Variants in LRRC49 observed in about 807,000 individuals in gnomAD.
LRRC49 encodes leucine rich repeat containing 49.
Under a neutral mutation model 83.3 loss-of-function variants are expected in LRRC49, and 50 were observed. That is an observed-to-expected ratio of 0.60 (90% CI 0.48 to 0.76). The LOEUF (loss-of-function observed/expected upper bound fraction) is 0.76. Among genes scored for constraint, LRRC49 ranks in the 30% least tolerant of loss-of-function variants. The pLI, the probability that LRRC49 is intolerant of heterozygous loss-of-function variation, is 0.00. For synonymous variants in LRRC49, 286 were observed against 283.3 expected (o/e 1.01, Z -0.10); for missense variants, 704 against 809.1 (o/e 0.87, Z 1.58).
At chr15:71,040,594 C>T (rs1472490057) in intron 15 of LRRC49, among the ~76,000 whole-genome samples, 3 of 151,856 alleles carry the variant, frequency 2.0e-5, no homozygotes, top group Admixed American at 2.0e-4. Context: ...CCAAGGCAGG[C>T]GGATCATGAG....
At position 70,865,755 on chromosome 15, in the gene LRRC49, G is replaced by GA. The variant is rs1297423634; in HGVS notation, c.-298-7152dup. On this transcript the variant is annotated intron_variant, in intron 1 of 16. Transcript: ENST00000544974. ...CTACCTGTCTGGTTTTTTGAGGACT[G>GA]AGAGTTTTCCCTGGCCATGGGACTT... is the stretch of plus-strand genomic sequence containing the variant. Among the ~76,000 whole-genome samples the GA allele has an allele frequency of 2.0e-5, 3 of 152,334 alleles. No individual in the cohort carries two copies. In the East Asian group the frequency reaches 5.8e-4, roughly 29 times the overall value.
At chr15:70,910,270 A>C (rs973935160) in intron 5 of LRRC49, among the ~76,000 whole-genome samples, 2 of 152,200 alleles carry the variant, frequency 1.3e-5, no homozygotes, top group African/African-American at 4.8e-5. Context: ...TTGATTTGGC[A>C]ATGATATAAC....
chr15:71,047,718 G>C (rs768724062), intron 15 of LRRC49, among the ~76,000 whole-genome samples: 5 of 152,100 alleles, frequency 3.3e-5, no homozygotes, highest in Non-Finnish European at 7.4e-5. Flanking sequence ...AGAAATCTTC[G>C]TAGGTATAAT....
At chr15:70,871,138 A>G (rs866508230) in intron 1 of LRRC49, among the ~76,000 whole-genome samples, 1 of 151,798 alleles carries the variant, frequency 6.6e-6, no homozygotes, top group Non-Finnish European at 1.5e-5. Context: ...ACTTGAGATT[A>G]GGGAGTGGTG....
At chr15:71,037,954 T>C (rs2039575827) in intron 15 of LRRC49, among the ~76,000 whole-genome samples, 1 of 152,156 alleles carries the variant, frequency 6.6e-6, no homozygotes, top group Admixed American at 6.5e-5. Context: ...AAGAAAACTA[T>C]GTAGTATTTA....
intron 2 of LRRC49, among the ~76,000 whole-genome samples, chr15:70,884,986 ATC>A (rs925171957): frequency 2.0e-5 from 3 of 152,164 alleles, no homozygotes; most frequent in African/African-American, 4.8e-5. Context: ...TTTATATATA[ATC>A]TGTTATTAAA....
intron 2 of LRRC49, among the ~76,000 whole-genome samples, chr15:70,885,214 G>C (rs2141086969): frequency 6.6e-6 from 1 of 152,174 alleles, no homozygotes; most frequent in South Asian, 2.1e-4. Flanking sequence ...GAACAAGGCA[G>C]AAAGAGACAA....
At chr15:70,884,790 C>G (rs1294417198) in intron 2 of LRRC49, among the ~76,000 whole-genome samples, 2 of 151,874 alleles carry the variant, frequency 1.3e-5, no homozygotes, top group Non-Finnish European at 2.9e-5. Flanking sequence ...ACTTTTATTC[C>G]CTTTATAACA....
chr15:70,950,581 A>G (rs1446551380), intron 8 of LRRC49, among the ~76,000 whole-genome samples: 1 of 152,130 alleles, frequency 6.6e-6, no homozygotes, highest in Non-Finnish European at 1.5e-5. Flanking sequence ...ATGTCTGTTC[A>G]TGTTCTTTGA....
intron 11 of LRRC49, among the ~76,000 whole-genome samples, chr15:70,999,872 T>C (rs148647715): frequency 6.6e-6 from 1 of 152,326 alleles, no homozygotes; most frequent in East Asian, 1.9e-4. Flanking sequence ...CAAATGCCAC[T>C]TAGAAGCCAC....
chr15:71,037,189 T>A lies in LRRC49; in HGVS notation c.1714T>A (p.Phe572Ile). 6.2e-7 allele frequency: 1 copy of A among 1,604,676 alleles called. No homozygotes were observed. The highest frequency in any genetic ancestry group is 8.5e-7 in the Non-Finnish European group (1 of 1,175,924). ...ACTGTCTTTCTACAGGAAAAAGCAATTTCGGTATCTACTAGAATCCAAAGG... is the reference window on the plus strand; with the variant it reads ...ACTGTCTTTCTACAGGAAAAAGCAAATTCGGTATCTACTAGAATCCAAAGG... The part of the protein sequence containing the change: ...SILGDARKKQ[F>I]RYLLESKGKK... Residue 572 changes from phenylalanine to isoleucine, a missense_variant, in exon 15 of 16, where the codon TTT becomes ATT. Physicochemically the swap from Phe to Ile is conservative, Grantham distance 21 (BLOSUM62 0). Around this residue, in one of 3 missense-constraint regions of LRRC49, gnomAD observed 275 missense variants for 338.0 expected, o/e 0.81. Transcript: ENST00000260382.
chr15:70,939,249 G>T (rs1337040052), intron 8 of LRRC49, among the ~76,000 whole-genome samples: 1 of 152,112 alleles, frequency 6.6e-6, no homozygotes, highest in Non-Finnish European at 1.5e-5. Context: ...TGTCTGTACT[G>T]CTTACTACAG....
At chr15:70,861,924 TA>T (rs1238264930) in intron 1 of LRRC49, among the ~76,000 whole-genome samples, 1 of 151,914 alleles carries the variant, frequency 6.6e-6, no homozygotes, top group African/African-American at 2.4e-5. Flanking sequence ...GACTCTGTCT[TA>T]AAAAGAAAAA....
chr15:70,867,895 G>A (rs144595594), intron 1 of LRRC49, among the ~76,000 whole-genome samples: 91 of 152,288 alleles, frequency 6.0e-4, no homozygotes, highest in Non-Finnish European at 1.2e-3. Context: ...GGACTAGTCT[G>A]ATCTAGAGGT....
intron 1 of LRRC49, chr15:70,859,913 C>T (rs562237294): frequency 1.8e-5 from 14 of 768,342 alleles, no homozygotes; most frequent in East Asian, 2.4e-5. Flanking sequence ...TGAGGAGAGC[C>T]GGCTGGAGTC....
At chr15:71,011,041 A>G (rs2038635144) in intron 13 of LRRC49, among the ~76,000 whole-genome samples, 2 of 152,128 alleles carry the variant, frequency 1.3e-5, no homozygotes, top group South Asian at 2.1e-4. Flanking sequence ...TGCATCAACC[A>G]TGGTATTTCT....
chr15:71,044,252 T>A (rs747323301), intron 15 of LRRC49, among the ~76,000 whole-genome samples: 2 of 152,186 alleles, frequency 1.3e-5, no homozygotes, highest in Admixed American at 6.5e-5. Flanking sequence ...TTGTTGCTTA[T>A]CACACATCAA....
intron 12 of LRRC49, among the ~76,000 whole-genome samples, chr15:71,009,236 A>G (rs2038566995): frequency 6.6e-6 from 1 of 151,814 alleles, no homozygotes; most frequent in South Asian, 2.1e-4. Flanking sequence ...AGATAGTTAG[A>G]GGTGAAGACA....
chr15:70,984,147 A>G lies in LRRC49; in HGVS notation c.1059A>G (p.Gln353=). ...TAGCTCGACAGTGGGACTTGCAACA[A>G]CAACGAGTAGCCAATATTGCTACAA... ...NNVARQWDLQ[Q]QRVANIATNE... Residue 353 remains glutamine, a synonymous_variant, in exon 11 of 16, where the codon CAA becomes CAG. Coordinates refer to ENST00000260382, the MANE Select transcript of LRRC49 (RefSeq NM_017691.5). 6.2e-7 allele frequency: 1 copy of G among 1,613,010 alleles called. No homozygotes were observed. Among genetic ancestry groups the G allele is most frequent in the Non-Finnish European group, 8.5e-7 (1 of 1,179,208 alleles).
Sources: gnomAD v4.1 joint callset for allele counts (sites outside exome capture counted in the v4.1 genomes callset) on GRCh38, gnomAD v4.1.1 for gene constraint, gnomAD v4.1.1 regional missense constraint, MANE v1.5 for transcripts, NCBI Gene and HGNC (gene_info 2026-07-23, HGNC 2026-07-21) for gene names.